Variants in TRAPPC8 observed in about 807,000 individuals in gnomAD.
TRAPPC8 encodes trafficking protein particle complex subunit 8, also known as general sporulation gene 1 homolog.
A neutral mutation model predicts 174.3 loss-of-function variants in TRAPPC8; 54 were observed. That is an observed-to-expected ratio of 0.31 (90% CI 0.25 to 0.39). The LOEUF is 0.39. Ranked by LOEUF, TRAPPC8 falls within the 10% of genes least tolerant of loss-of-function variation. The probability of loss-of-function intolerance (pLI) is 1.00; values close to 1 mark genes in which losing one functional copy is unlikely to be tolerated. For synonymous variants in TRAPPC8, 630 were observed against 579.9 expected, an observed-to-expected ratio of 1.09 and a Z score of -1.24; for missense variants, 1,531 against 1,699.1, an observed-to-expected ratio of 0.90 and a Z score of 1.74.
intron 17 of TRAPPC8, 39 bp downstream of exon 17, chr18:31,867,363 T>C (rs774675012): frequency 3.6e-6 from 5 of 1,391,900 alleles, no homozygotes; most frequent in Non-Finnish European, 5.0e-6. Flanking sequence ...CACCTTACTT[T>C]CAGAAAGGCA....
At chr18:31,895,832 C>A (rs1440470222) in intron 11 of TRAPPC8, 1 of 152,180 alleles carries the variant, frequency 6.6e-6, no homozygotes, top group African/African-American at 2.4e-5. Context: ...GTTATCTGTT[C>A]ATATTTATTA....
chr18:31,842,486 G>T (rs566841756), intron 26 of TRAPPC8, among the ~76,000 whole-genome samples: 1 of 152,314 alleles, frequency 6.6e-6, no homozygotes, highest in Non-Finnish European at 1.5e-5. Context: ...GCACAATGAA[G>T]ATGTAACTAC....
In TRAPPC8 at chr18:31,913,526, A is replaced by T. The variant is rs925902725; in HGVS notation, c.618-4T>A. 2.5e-6 allele frequency: 4 copies of T among 1,576,848 alleles called. No individual in the cohort carries two copies. Among genetic ancestry groups the T allele is most frequent in the Non-Finnish European group, 3.4e-6 (4 of 1,166,484 alleles). On this transcript the variant is annotated splice_region_variant and splice_polypyrimidine_tract_variant and intron_variant, in intron 4 of 28. Transcript: ENST00000283351. Reference sequence around the variant, plus strand: ...TTCTTCATAAATTGATTCAGCTCTAAAACAGAAAATGGAAAAAAATCTGAA... The same window carrying T: ...TTCTTCATAAATTGATTCAGCTCTATAACAGAAAATGGAAAAAAATCTGAA...
chr18:31,864,226 T>A (rs1044391207), intron 19 of TRAPPC8, among the ~76,000 whole-genome samples: 6 of 151,726 alleles, frequency 4.0e-5, no homozygotes, highest in African/African-American at 7.2e-5. Context: ...TAGGATAGGA[T>A]GGGATAAGAA....
chr18:31,893,868 C>T (rs1213421251), intron 11 of TRAPPC8, among the ~76,000 whole-genome samples: 1 of 152,110 alleles, frequency 6.6e-6, no homozygotes, highest in Non-Finnish European at 1.5e-5. Context: ...AATATACACA[C>T]ACACACTTTT....
chr18:31,894,052 C>G (rs973289896), intron 11 of TRAPPC8, among the ~76,000 whole-genome samples: 2 of 152,166 alleles, frequency 1.3e-5, no homozygotes, highest in African/African-American at 4.8e-5. Context: ...ATTTAACACT[C>G]AAGAACTGAC....
chr18:31,862,969 T>C (rs886947003), intron 19 of TRAPPC8, among the ~76,000 whole-genome samples: 4 of 150,966 alleles, frequency 2.6e-5, no homozygotes, highest in Admixed American at 2.6e-4. Flanking sequence ...GGAGAATTGC[T>C]TGAACCTGGG....
intron 12 of TRAPPC8, among the ~76,000 whole-genome samples, chr18:31,884,210 T>C (rs2035593624): frequency 6.6e-6 from 1 of 152,202 alleles, no homozygotes; most frequent in Admixed American, 6.5e-5. Flanking sequence ...CAAAACCAGA[T>C]GGGAGTTTCC....
At chr18:31,873,592 A>G (rs1179706586) in intron 13 of TRAPPC8, 54 bp from the exon 14 acceptor site, 1 of 1,287,910 alleles carries the variant, frequency 7.8e-7, no homozygotes, top group African/African-American at 1.5e-5. Context: ...TGGTATTTTT[A>G]TTTGTTTCCT....
chr18:31,839,227 G>T, intron 27 of TRAPPC8, 85 bp downstream of exon 27: 1 of 1,369,926 alleles, frequency 7.3e-7, no homozygotes, highest in Non-Finnish European at 9.9e-7. Context: ...CAATATTTGG[G>T]TTAATGTCAC....
rs2032246927 is a variant in TRAPPC8 at position 31,829,674 on chromosome 18, A to C, written c.*1081T>G. On this transcript the variant is annotated 3_prime_UTR_variant, in exon 29 of 29. Transcript: ENST00000283351. ...CGATTAGTGCCGAGATTGAGACTGG[A>C]ACAAACCATGGTAGCTGTCAATGGC... 6.6e-6 allele frequency: 1 copy of C among 152,222 alleles called. No individual in the cohort carries two copies. Among genetic ancestry groups the C allele is most frequent in the African/African-American group, 2.4e-5 (1 of 41,430 alleles). The allele number at this position is 152,222 out of a possible 1,614,324, so 9.4% of individuals were successfully genotyped here.
chr18:31,842,894 C>T (rs1032608381), intron 26 of TRAPPC8, among the ~76,000 whole-genome samples: 2 of 152,150 alleles, frequency 1.3e-5, no homozygotes, highest in African/African-American at 4.8e-5. Context: ...TTCTCTCAGG[C>T]TGAATTCAGT....
intron 19 of TRAPPC8, among the ~76,000 whole-genome samples, chr18:31,863,619 C>A (rs1326315554): frequency 1.3e-5 from 2 of 152,090 alleles, no homozygotes; most frequent in Non-Finnish European, 2.9e-5. Flanking sequence ...TATAAGTGCA[C>A]AATGCAAGGT....
intron 19 of TRAPPC8, among the ~76,000 whole-genome samples, chr18:31,861,229 C>T (rs938676585): frequency 6.6e-6 from 1 of 152,158 alleles, no homozygotes; most frequent in Admixed American, 6.5e-5. Context: ...ACTTTACAAG[C>T]TTTGTTTCAT....
intron 5 of TRAPPC8, among the ~76,000 whole-genome samples, chr18:31,910,863 A>G (rs1319169324): frequency 1.3e-5 from 2 of 152,132 alleles, no homozygotes; most frequent in African/African-American, 4.8e-5. Context: ...TAGGTGACTG[A>G]ACTCTAAAGT....
chr18:31,834,088 G>GGTT (rs35486513), intron 27 of TRAPPC8, among the ~76,000 whole-genome samples: 24,189 of 148,854 alleles, frequency 0.16, 2,138 homozygotes, highest in Middle Eastern at 0.23. Context: ...ATCACATTTT[G>GGTT]GTTGTTGTTG....
At chr18:31,935,548 T>TAAAAAAAAAAAAAAAAAAAAA in intron 1 of TRAPPC8, among the ~76,000 whole-genome samples, 8 of 46,286 alleles carry the variant, frequency 1.7e-4, no homozygotes, top group African/African-American at 7.7e-4. Flanking sequence ...AACTCCATCT[T>TAAAAAAAAAAAAAAAAAAAAA]AAAAAAAAAA....
rs73411534 is a variant in TRAPPC8 at position 31,910,502 on chromosome 18, A to G, written c.772-742T>C. Among the ~76,000 whole-genome samples, 301 of 152,320 alleles carry G rather than the reference A, an allele frequency of 2.0e-3. 1 individual carries two copies. Among genetic ancestry groups the G allele is most frequent in the African/African-American group, 7.1e-3 (297 of 41,580 alleles). On this transcript the variant is annotated intron_variant, in intron 5 of 28. Coordinates refer to ENST00000283351, the MANE Select transcript of TRAPPC8 (RefSeq NM_014939.5). The stretch of plus-strand genomic sequence containing the variant: ...AAGAGGACATGAGAATTATCCTTCT[A>G]TATTTTGAAAGTTGTCTTAATGGAA...
At chr18:31,916,134 A>T in intron 4 of TRAPPC8, 138 bp downstream of exon 4, 2 of 581,192 alleles carry the variant, frequency 3.4e-6, no homozygotes, top group Non-Finnish European at 5.5e-6. Context: ...ACATAAAGTT[A>T]AATGCTTTAT....
Sources: gnomAD v4.1 joint callset for allele counts (sites outside exome capture counted in the v4.1 genomes callset) on GRCh38, gnomAD v4.1.1 for gene constraint, MANE v1.5 for transcripts, NCBI Gene and HGNC (gene_info 2026-07-23, HGNC 2026-07-21) for gene names.